Variants in GABRB1 observed in about 807,000 individuals in gnomAD.
GABRB1 encodes gamma-aminobutyric acid type A receptor subunit beta1, also known as gamma-aminobutyric acid receptor subunit beta-1.
In GABRB1, 17 loss-of-function variants were observed where a neutral mutation model predicts 51.6. The ratio of observed to expected loss-of-function variants is 0.33; its 90% CI spans 0.23 to 0.49. The LOEUF (loss-of-function observed/expected upper bound fraction) is 0.49. Ranked by LOEUF, GABRB1 falls within the 20% of genes least tolerant of loss-of-function variation. GABRB1 has a pLI of 0.99. For missense variants in GABRB1, 410 were observed against 600.6 expected (o/e 0.68, Z 3.32); for synonymous variants, 247 against 218.9 (o/e 1.13, Z -1.14).
chr4:47,425,377 CCA>C (rs34275303), intron 8 of GABRB1, among the ~76,000 whole-genome samples: 12,665 of 138,158 alleles, frequency 0.092, 599 homozygotes, highest in Middle Eastern at 0.18. Context: ...AGAAGAAATA[CCA>C]CACACACACA....
At chr4:47,332,205 G>A (rs918050840) in intron 5 of GABRB1, among the ~76,000 whole-genome samples, 1 of 152,134 alleles carries the variant, frequency 6.6e-6, no homozygotes, top group African/African-American at 2.4e-5. Context: ...TTCTATAAAT[G>A]CAATAGATCA....
chr4:47,079,285 T>A (rs902367639), intron 3 of GABRB1, among the ~76,000 whole-genome samples: 3 of 152,178 alleles, frequency 2.0e-5, no homozygotes, highest in Non-Finnish European at 4.4e-5. Flanking sequence ...TGCCTCAATT[T>A]CAGAGCCTGT....
intron 5 of GABRB1, among the ~76,000 whole-genome samples, chr4:47,359,948 G>A (rs1726738640): frequency 6.6e-6 from 1 of 152,004 alleles, no homozygotes; most frequent in African/African-American, 2.4e-5. Flanking sequence ...GTTTCTGCCT[G>A]TGTGCTTTCT....
intron 4 of GABRB1, among the ~76,000 whole-genome samples, chr4:47,227,425 C>T (rs2109831506): frequency 6.6e-6 from 1 of 152,192 alleles, no homozygotes; most frequent in South Asian, 2.1e-4. Flanking sequence ...GAAACAGACT[C>T]TAAGATGGAG....
At chr4:47,357,525 G>A (rs1357010927) in intron 5 of GABRB1, among the ~76,000 whole-genome samples, 1 of 152,218 alleles carries the variant, frequency 6.6e-6, no homozygotes, top group Non-Finnish European at 1.5e-5. Context: ...AGCTGAGCAT[G>A]AAGCCAGGTT....
chr4:47,372,335 G>A (rs1727224140), intron 5 of GABRB1, among the ~76,000 whole-genome samples: 1 of 152,020 alleles, frequency 6.6e-6, no homozygotes, highest in Non-Finnish European at 1.5e-5. Flanking sequence ...TTTGATTATT[G>A]TATAGGCTAC....
chr4:47,167,403 C>A (rs1395933769), intron 4 of GABRB1, among the ~76,000 whole-genome samples: 1 of 151,056 alleles, frequency 6.6e-6, no homozygotes, highest in African/African-American at 2.4e-5. Flanking sequence ...CATTTAACCT[C>A]CTTGAAAAAA....
At chr4:47,215,854 A>C (rs991981375) in intron 4 of GABRB1, among the ~76,000 whole-genome samples, 5 of 152,108 alleles carry the variant, frequency 3.3e-5, no homozygotes, top group African/African-American at 1.2e-4. Context: ...CTGCCTCTTT[A>C]GAAGCCAGCT....
At chr4:47,210,752 G>C (rs4695199) in intron 4 of GABRB1, among the ~76,000 whole-genome samples, 9,707 of 152,182 alleles carry the variant, frequency 0.064, 348 homozygotes, top group Non-Finnish European at 0.077. Context: ...TGTGTCAGTT[G>C]TTAAAGACAT....
intron 3 of GABRB1, among the ~76,000 whole-genome samples, chr4:47,062,072 C>G (rs2109529124): frequency 6.6e-6 from 1 of 152,232 alleles, no homozygotes; most frequent in African/African-American, 2.4e-5. Flanking sequence ...TGCTTTGCAC[C>G]TTACTGGGTC....
intron 4 of GABRB1, among the ~76,000 whole-genome samples, chr4:47,185,471 G>A (rs1231883592): frequency 1.3e-5 from 2 of 151,776 alleles, no homozygotes; most frequent in Non-Finnish European, 1.5e-5. Flanking sequence ...ATGCAGTAAT[G>A]AATTTAGTTT....
At chr4:47,369,041 G>A (rs1280582306) in intron 5 of GABRB1, among the ~76,000 whole-genome samples, 1 of 152,182 alleles carries the variant, frequency 6.6e-6, no homozygotes, top group Non-Finnish European at 1.5e-5. Flanking sequence ...CCAGGAGGCA[G>A]AAGTTGCAGT....
At chr4:47,400,962 T>TG in intron 5 of GABRB1, among the ~76,000 whole-genome samples, 1 of 145,420 alleles carries the variant, frequency 6.9e-6, no homozygotes, top group Non-Finnish European at 1.5e-5. Context: ...GGAGTCTCGC[T>TG]GTGTCACCCA....
intron 3 of GABRB1, among the ~76,000 whole-genome samples, chr4:47,116,212 G>A (rs1715470939): frequency 3.3e-5 from 5 of 152,076 alleles, no homozygotes; most frequent in Admixed American, 3.3e-4. Flanking sequence ...CCATAAATAA[G>A]GTTTGATTTG....
intron 3 of GABRB1, among the ~76,000 whole-genome samples, chr4:47,113,357 G>T (rs1320546358): frequency 7.0e-6 from 1 of 143,388 alleles, no homozygotes; most frequent in Non-Finnish European, 1.5e-5. Flanking sequence ...CTGCACTCCA[G>T]CCTGGGTGAC....
chr4:47,099,921 G>T (rs1479415459), intron 3 of GABRB1, among the ~76,000 whole-genome samples: 3 of 151,658 alleles, frequency 2.0e-5, no homozygotes. Context: ...GCATTTAGTT[G>T]TAATTTCGCC....
intron 5 of GABRB1, among the ~76,000 whole-genome samples, chr4:47,360,148 C>T (rs1214011250): frequency 6.6e-6 from 1 of 151,694 alleles, no homozygotes; most frequent in Admixed American, 6.6e-5. Flanking sequence ...ACAGACCCAG[C>T]ATAATCTCGA....
At position 47,137,127 on chromosome 4, in the gene GABRB1, T is replaced by C. The variant is rs369031060; in HGVS notation, c.241-24122T>C. On this transcript the variant is annotated intron_variant, in intron 3 of 8. Transcript: ENST00000295454. Reference sequence around the variant, plus strand: ...AAAAAATGGCTTAAAGACTCAAATATTGATAAATCATCCCTAACTGGCCTC... The same window carrying C: ...AAAAAATGGCTTAAAGACTCAAATACTGATAAATCATCCCTAACTGGCCTC... Among the ~76,000 whole-genome samples, 14 of 152,176 alleles carry C rather than the reference T, an allele frequency of 9.2e-5. No individual in the cohort carries two copies. The East Asian group carries it at 2.7e-3, about 30-fold the overall frequency.
intron 3 of GABRB1, among the ~76,000 whole-genome samples, chr4:47,124,832 A>G (rs1433408742): frequency 6.6e-6 from 1 of 152,174 alleles, no homozygotes; most frequent in East Asian, 1.9e-4. Flanking sequence ...AGAAAATGAA[A>G]AGGAGGAAGG....
Sources: gnomAD v4.1 joint callset for allele counts (sites outside exome capture counted in the v4.1 genomes callset) on GRCh38, gnomAD v4.1.1 for gene constraint, MANE v1.5 for transcripts, NCBI Gene and HGNC (gene_info 2026-07-23, HGNC 2026-07-21) for gene names.